Variants in AFG2A observed in about 807,000 individuals in gnomAD.
AFG2A encodes the protein ATPase family gene 2 protein homolog A.
At chr4:123,243,807 C>G in the AFG2A span, among the ~76,000 whole-genome samples, 1 of 88,308 alleles carries the variant, frequency 1.1e-5, no homozygotes. Flanking sequence ...TCACTTGAGT[C>G]CGGAGTTTAG....
chr4:122,969,661 C>T, the AFG2A span, among the ~76,000 whole-genome samples: 238 of 152,264 alleles, frequency 1.6e-3, 2 homozygotes, highest in African/African-American at 5.5e-3. Flanking sequence ...TTAAGTCTTT[C>T]AATCAATTTG....
chr4:122,952,036 T>G, the AFG2A span, among the ~76,000 whole-genome samples: 2 of 152,182 alleles, frequency 1.3e-5, no homozygotes, highest in African/African-American at 4.8e-5. Context: ...TTCCCAGACT[T>G]CAGTTTCTGG....
the AFG2A span, among the ~76,000 whole-genome samples, chr4:123,002,130 T>G: frequency 3.9e-5 from 6 of 152,234 alleles, no homozygotes; most frequent in Non-Finnish European, 7.4e-5. Context: ...TTGCAAGCCC[T>G]GCCTTTTTTT....
the AFG2A span, chr4:122,933,476 G>T: frequency 6.2e-7 from 1 of 1,611,956 alleles, no homozygotes; most frequent in South Asian, 1.1e-5. Flanking sequence ...AGAACTGACT[G>T]GTTGTATCCT....
At chr4:122,937,954 G>C in the AFG2A span, among the ~76,000 whole-genome samples, 3 of 152,224 alleles carry the variant, frequency 2.0e-5, no homozygotes, top group Non-Finnish European at 4.4e-5. Flanking sequence ...TAGTGAATTA[G>C]TATTTTGGGC....
chr4:123,079,274 T>TA, the AFG2A span, among the ~76,000 whole-genome samples: 1 of 152,222 alleles, frequency 6.6e-6, no homozygotes, highest in East Asian at 1.9e-4. Flanking sequence ...AGATAAAACT[T>TA]ACTTAGCTAT....
the AFG2A span, among the ~76,000 whole-genome samples, chr4:123,118,329 A>AATTATATTATATATAAT: frequency 3.1e-5 from 2 of 64,190 alleles, no homozygotes; most frequent in Non-Finnish European, 7.5e-5. Flanking sequence ...TATTATATAT[A>AATTATATTATATATAAT]ATATATATAT....
At chr4:123,122,767 T>C in the AFG2A span, among the ~76,000 whole-genome samples, 21,937 of 149,790 alleles carry the variant, frequency 0.15, 1,848 homozygotes, top group Middle Eastern at 0.26. Context: ...TTTGGCCATG[T>C]CATCTGTTTT....
At chr4:123,249,665 A>T in the AFG2A span, among the ~76,000 whole-genome samples, 1 of 152,168 alleles carries the variant, frequency 6.6e-6, no homozygotes, top group Non-Finnish European at 1.5e-5. Flanking sequence ...GGTGCCTTAT[A>T]TGTGCCATAG....
chr4:123,115,721 A>AC, the AFG2A span, among the ~76,000 whole-genome samples: 1 of 151,574 alleles, frequency 6.6e-6, no homozygotes. Context: ...CTGCACCCAC[A>AC]CCCGTGCCCC....
chr4:123,132,989 C>G, the AFG2A span, among the ~76,000 whole-genome samples: 1 of 152,086 alleles, frequency 6.6e-6, no homozygotes, highest in Non-Finnish European at 1.5e-5. Flanking sequence ...ACCGTGTTAG[C>G]CAGGATGGTC....
the AFG2A span, among the ~76,000 whole-genome samples, chr4:123,227,786 G>A: frequency 1.3e-5 from 2 of 152,124 alleles, no homozygotes; most frequent in Non-Finnish European, 2.9e-5. Context: ...CTGTCTCGTT[G>A]ATCTGTCTAA....
chr4:122,947,911 A>C, the AFG2A span, among the ~76,000 whole-genome samples: 1 of 152,218 alleles, frequency 6.6e-6, no homozygotes, highest in South Asian at 2.1e-4. Flanking sequence ...CTTATATATG[A>C]ATATTTTTCA....
At chr4:122,944,416 A>C in the AFG2A span, among the ~76,000 whole-genome samples, 3 of 152,178 alleles carry the variant, frequency 2.0e-5, no homozygotes, top group East Asian at 3.9e-4. Flanking sequence ...CCTTTCTTCC[A>C]GTTGATCGCA....
At chr4:123,057,234 C>T in the AFG2A span, 13 of 1,613,728 alleles carry the variant, frequency 8.1e-6, no homozygotes, top group Middle Eastern at 1.6e-4. Context: ...AGAGCAGTGG[C>T]GCCTTCCATT....
the AFG2A span, among the ~76,000 whole-genome samples, chr4:123,085,223 A>G: frequency 1.3e-5 from 2 of 152,120 alleles, no homozygotes; most frequent in African/African-American, 4.8e-5. Context: ...AGTTATATCC[A>G]GTTGAATTGT....
the AFG2A span, among the ~76,000 whole-genome samples, chr4:123,295,997 C>T: frequency 6.6e-6 from 1 of 152,136 alleles, no homozygotes; most frequent in African/African-American, 2.4e-5. Flanking sequence ...GGGAAAGCGT[C>T]CCTTTATCAA....
the AFG2A span, among the ~76,000 whole-genome samples, chr4:123,178,713 TA>T: frequency 6.6e-6 from 1 of 152,200 alleles, no homozygotes; most frequent in Non-Finnish European, 1.5e-5. Context: ...GGCTGTTTTT[TA>T]TAAATTGTCC....
At chr4:123,223,181 C>T in the AFG2A span, among the ~76,000 whole-genome samples, 1 of 152,088 alleles carries the variant, frequency 6.6e-6, no homozygotes, top group Non-Finnish European at 1.5e-5. Context: ...CCAGTTTTTC[C>T]ACATCCTCAC....
Sources: allele counts gnomAD v4.1 joint callset (sites outside exome capture counted in the v4.1 genomes callset), GRCh38; gene constraint gnomAD v4.1.1; transcripts MANE v1.5; gene names NCBI Gene and HGNC (gene_info 2026-07-23, HGNC 2026-07-21).